HTR3A: variants seen among roughly 807,000 people sequenced by gnomAD.
The protein encoded by HTR3A is 5-hydroxytryptamine (serotonin) receptor 3A, ionotropic.
A neutral mutation model predicts 54.8 loss-of-function variants in HTR3A; 45 were observed. The ratio of observed to expected loss-of-function variants is 0.82; its 90% CI spans 0.65 to 1.05. HTR3A has a LOEUF of 1.05. HTR3A is among the 50% of genes least tolerant of loss of function. The probability of loss-of-function intolerance (pLI) is 0.00; values close to 1 mark genes in which losing one functional copy is unlikely to be tolerated. For synonymous variants in HTR3A, 297 were observed against 256.0 expected, an observed-to-expected ratio of 1.16 and a Z score of -1.53; for missense variants, 657 against 614.0, an observed-to-expected ratio of 1.07 and a Z score of -0.74.
At chr11:113,981,972 A>C (rs1190317381) in intron 4 of HTR3A, among the ~76,000 whole-genome samples, 1 of 152,010 alleles carries the variant, frequency 6.6e-6, no homozygotes, top group Non-Finnish European at 1.5e-5. Flanking sequence ...AAAAAAAAAA[A>C]AACAAAAAAC....
In HTR3A at chr11:113,979,291, C is replaced by A. The variant is rs372870692; in HGVS notation, c.264+14C>A. 20 of 1,599,804 alleles carry A rather than the reference C, an allele frequency of 1.3e-5. No individual in the cohort carries two copies. The highest frequency in any genetic ancestry group is 1.6e-5 in the Non-Finnish European group (19 of 1,168,720). On this transcript the variant is annotated intron_variant, in intron 3 of 8. Transcript: ENST00000504030. ...TGGTACCGGCAGGTGAGCAGACCCG[C>A]CCCTCCCTGCCCCCGTTACCCATCC...
At chr11:113,977,948 C>A in intron 2 of HTR3A, 26 bp downstream of exon 2, 1 of 1,614,110 alleles carries the variant, frequency 6.2e-7, no homozygotes, top group Non-Finnish European at 8.5e-7. Context: ...GAGCTGCACA[C>A]AGGCAGACCT....
chr11:113,977,993 A>G, intron 2 of HTR3A, 71 bp downstream of exon 2: 1 of 1,564,004 alleles, frequency 6.4e-7, no homozygotes, highest in Non-Finnish European at 8.8e-7. Flanking sequence ...GAGACAAGTC[A>G]CCCCCTATGC....
chr11:113,987,931 CT>C, intron 8 of HTR3A, among the ~76,000 whole-genome samples: 1 of 152,328 alleles, frequency 6.6e-6, no homozygotes, highest in East Asian at 1.9e-4. Context: ...GTGCAAAGCA[CT>C]TTGTCTACAT....
rs1950533630 is a variant in HTR3A at position 113,990,015 on chromosome 11, C to T, written c.*252C>T. ...CCAGCAGCTCACCATGGCTTTAAAA[C>T]ATGCTGTCTTAGATCAGGAGAAACT... On this transcript the variant is annotated 3_prime_UTR_variant, in exon 9 of 9. Coordinates refer to ENST00000504030, the MANE Select transcript of HTR3A (RefSeq NM_000869.6). 1 of 667,556 alleles carries T rather than the reference C, an allele frequency of 1.5e-6. No individual in the cohort carries two copies. The highest frequency in any genetic ancestry group is 1.8e-5 in the African/African-American group (1 of 56,662). 41.4% of individuals were successfully genotyped at this position (667,556 alleles called of 1,614,324 possible). A position where few individuals can be genotyped will look rare whatever the true frequency, so the allele number is the denominator to read the frequency against.
At position 113,986,193 on chromosome 11, in the gene HTR3A, T is replaced by C. The variant is rs1950489406; in HGVS notation, c.705+18T>C. On this transcript the variant is annotated intron_variant, in intron 6 of 8. Coordinates refer to ENST00000504030, the MANE Select transcript of HTR3A (RefSeq NM_000869.6). ...AGTTCTATGTGAGTGGGAGTGAATG[T>C]GGGTAAAATGGTGAATAAAGCTTCA... 6.2e-7 allele frequency: 1 copy of C among 1,613,808 alleles called. No individual in the cohort carries two copies. The highest frequency in any genetic ancestry group is 8.5e-7 in the Non-Finnish European group (1 of 1,179,842).
At position 113,986,939 on chromosome 11, in the gene HTR3A, G is replaced by A. The variant is rs35815285; in HGVS notation, c.1031G>A (p.Arg344His). The A allele has an allele frequency of 5.8e-3, 9,308 of 1,614,114 alleles. 406 individuals are homozygous for A. The African/African-American group carries it at 0.099, about 17-fold the overall frequency. Reference protein sequence around the residue: ...DLQQPVPAWLRHLVLERIAWL... With the variant: ...DLQQPVPAWLHHLVLERIAWL... ...CAGCAGCCCGTGCCTGCTTGGCTGCGTCACCTGGTTCTGGAGAGAATCGCC... is the reference window on the plus strand; with the variant it reads ...CAGCAGCCCGTGCCTGCTTGGCTGCATCACCTGGTTCTGGAGAGAATCGCC... Residue 344 changes from arginine (R) to histidine (H), a missense_variant, in exon 8 of 9, where the codon CGT (arginine) becomes CAT (histidine). Coordinates refer to ENST00000504030, the MANE Select transcript of HTR3A (RefSeq NM_000869.6).
At chr11:113,977,997 C>A in intron 2 of HTR3A, 75 bp downstream of exon 2, 2 of 1,550,606 alleles carry the variant, frequency 1.3e-6, no homozygotes, top group African/African-American at 1.4e-5. Context: ...CAAGTCACCC[C>A]CTATGCAGCT....
In HTR3A at chr11:113,990,178, C is replaced by A. The variant is rs1270701590; in HGVS notation, c.*415C>A. The A allele has an allele frequency of 7.2e-5, 33 of 458,368 alleles. No homozygotes were observed. In the Admixed American group the frequency reaches 7.7e-4, roughly 11 times the overall value. The allele number at this position is 458,368 out of a possible 1,614,324, so 28.4% of individuals were successfully genotyped here. A position where few individuals can be genotyped will look rare whatever the true frequency, so the allele number is the denominator to read the frequency against. On this transcript the variant is annotated 3_prime_UTR_variant, in exon 9 of 9. Coordinates refer to ENST00000504030, the MANE Select transcript of HTR3A (RefSeq NM_000869.6). ...CAAAACCAACTCTCTACTACACAGG[C>A]CTGATAACTCTGTACGAGGCTTCTC...
chr11:113,983,016 C>A (rs1423685047), intron 4 of HTR3A, 104 bp from the exon 5 acceptor site: 17 of 1,338,294 alleles, frequency 1.3e-5, no homozygotes, highest in Non-Finnish European at 1.6e-5. Flanking sequence ...GCTGCCTATA[C>A]CCTCCCCGAA....
intron 2 of HTR3A, among the ~76,000 whole-genome samples, chr11:113,979,026 T>C (rs888802512): frequency 3.3e-5 from 5 of 152,200 alleles, no homozygotes; most frequent in Non-Finnish European, 7.3e-5. Flanking sequence ...TTTACTTCTT[T>C]CTGCGTATGC....
At chr11:113,987,453 C>A (rs1442374121) in intron 8 of HTR3A, among the ~76,000 whole-genome samples, 1 of 152,194 alleles carries the variant, frequency 6.6e-6, no homozygotes, top group African/African-American at 2.4e-5. Context: ...CAGCCCAAAG[C>A]AGGGCATGGT....
intron 5 of HTR3A, among the ~76,000 whole-genome samples, chr11:113,984,158 T>C (rs967375730): frequency 4.6e-5 from 7 of 151,856 alleles, no homozygotes; most frequent in African/African-American, 1.7e-4. Context: ...GGCCAACCCC[T>C]CTACTCACCC....
At chr11:113,985,711 G>C (rs1260927714) in intron 5 of HTR3A, among the ~76,000 whole-genome samples, 1 of 152,058 alleles carries the variant, frequency 6.6e-6, no homozygotes, top group African/African-American at 2.4e-5. Context: ...GTGTGTGTGT[G>C]TGTTTGTGTG....
intron 8 of HTR3A, among the ~76,000 whole-genome samples, chr11:113,987,763 C>G (rs535470980): frequency 6.6e-6 from 1 of 152,234 alleles, no homozygotes; most frequent in South Asian, 2.1e-4. Flanking sequence ...AAATACACAG[C>G]CCAAAGACCA....
At position 113,977,901 on chromosome 11, in the gene HTR3A, T is replaced by C. The variant is rs1224721046; in HGVS notation, c.198T>C (p.Ile66=). 6.2e-7 allele frequency: 1 copy of C among 1,614,168 alleles called. No homozygotes were observed. Among genetic ancestry groups the C allele is most frequent in the South Asian group, 1.1e-5 (1 of 91,076 alleles). Residue 66 remains isoleucine (I), a synonymous_variant, in exon 2 of 9, where the codon ATT becomes ATC. Transcript: ENST00000504030. ...RKPTTVSIDV[I]VYAILNVDEK... Reference sequence around the variant, plus strand: ...CAACCACCGTATCCATTGACGTCATTGTCTATGCCATCCTCAACGTGGTGA... The same window carrying C: ...CAACCACCGTATCCATTGACGTCATCGTCTATGCCATCCTCAACGTGGTGA...
chr11:113,979,693 C>T (rs1271171690), intron 3 of HTR3A, among the ~76,000 whole-genome samples: 1 of 152,172 alleles, frequency 6.6e-6, no homozygotes, highest in Non-Finnish European at 1.5e-5. Context: ...CTCACATCCT[C>T]AGCCATTTCC....
rs764762827 is a variant in HTR3A, at chr11:113,975,406, G to C, written c.67+14G>C. The stretch of plus-strand genomic sequence containing the variant: ...CACAGGGAGAAGGTAAGCAGACTTC[G>C]GGAAGCAGCAGGACTTGGCTGACCA... On this transcript the variant is annotated intron_variant, in intron 1 of 8. Coordinates refer to ENST00000504030, the MANE Select transcript of HTR3A (RefSeq NM_000869.6). 2 of 1,607,934 alleles carry C rather than the reference G, an allele frequency of 1.2e-6. No individual in the cohort carries two copies. The highest frequency in any genetic ancestry group is 1.7e-5 in the Admixed American group (1 of 59,980).
chr11:113,975,218 G>C lies in HTR3A; in HGVS notation c.-108G>C. ...CTCAGAAGGTGTGAGCAGTGGCCACGAGAGGCAGGCTGGCTGGGACATGAG... is the reference window on the plus strand; with the variant it reads ...CTCAGAAGGTGTGAGCAGTGGCCACCAGAGGCAGGCTGGCTGGGACATGAG... On this transcript the variant is annotated 5_prime_UTR_variant, in exon 1 of 9. Coordinates refer to ENST00000504030, the MANE Select transcript of HTR3A (RefSeq NM_000869.6). 9.3e-7 allele frequency: 1 copy of C among 1,075,168 alleles called. No homozygotes were observed. The highest frequency in any genetic ancestry group is 2.2e-4 in the Middle Eastern group (1 of 4,594). The allele number at this position is 1,075,168 out of a possible 1,614,324, so 66.6% of individuals were successfully genotyped here.
Sources: gnomAD v4.1 joint callset for allele counts (sites outside exome capture counted in the v4.1 genomes callset) on GRCh38, gnomAD v4.1.1 for gene constraint, MANE v1.5 for transcripts, NCBI Gene and HGNC (gene_info 2026-07-23, HGNC 2026-07-21) for gene names.